ZBTB41: variants seen among roughly 807,000 people sequenced by gnomAD.
ZBTB41 encodes zinc finger and BTB domain-containing protein 41.
Under a neutral mutation model 87.6 loss-of-function variants are expected in ZBTB41, and 42 were observed. The observed-to-expected ratio is 0.48, with a 90% CI of 0.37 to 0.62. The LOEUF is 0.62. Among genes scored for constraint, ZBTB41 ranks in the 20% least tolerant of loss-of-function variants. The pLI is 0.00. For missense variants in ZBTB41, 799 were observed against 1,078.9 expected (o/e 0.74, Z 3.63); for synonymous variants, 364 against 364.0 (o/e 1.00, Z 0.00).
At chr1:197,180,597 G>A (rs574777159) in intron 6 of ZBTB41, among the ~76,000 whole-genome samples, 1 of 152,164 alleles carries the variant, frequency 6.6e-6, no homozygotes, top group South Asian at 2.1e-4. Flanking sequence ...TATAGTAAAA[G>A]ATGGAAAGGT....
intron 10 of ZBTB41, 101 bp from the exon 11 acceptor site, chr1:197,160,115 C>T (rs748964351): frequency 1.8e-5 from 15 of 839,914 alleles, no homozygotes; most frequent in Non-Finnish European, 2.6e-5. Context: ...CTTGCCAGAA[C>T]TTGATAATAG....
intron 2 of ZBTB41, among the ~76,000 whole-genome samples, chr1:197,193,976 T>C (rs1217321085): frequency 6.6e-6 from 1 of 152,188 alleles, no homozygotes; most frequent in East Asian, 1.9e-4. Flanking sequence ...ATTCTCAAGA[T>C]TGAGAGACAA....
chr1:197,187,040 A>C (rs746712257), intron 5 of ZBTB41, among the ~76,000 whole-genome samples: 5 of 152,202 alleles, frequency 3.3e-5, no homozygotes, highest in Non-Finnish European at 5.9e-5. Context: ...ACAATGGCCA[A>C]AATTTGGAAC....
chr1:197,176,668 A>T lies in ZBTB41; in HGVS notation c.1775T>A (p.Leu592His). 1 of 1,605,386 alleles carries T rather than the reference A, an allele frequency of 6.2e-7. No individual in the cohort carries two copies. Among genetic ancestry groups the T allele is most frequent in the Non-Finnish European group, 8.5e-7 (1 of 1,173,992 alleles). Residue 592 changes from leucine (L) to histidine (H), a missense_variant and splice_region_variant, in exon 8 of 11, where the codon CTT becomes CAT. By Grantham distance (99) the Leu-to-His change is moderately conservative. Coordinates refer to ENST00000367405, the MANE Select transcript of ZBTB41 (RefSeq NM_194314.3). ...ATCATCATGATGTACTCGTAAGTGA[A>T]GTCTATAAAGAAAAAAGAATTGAAC... is the stretch of plus-strand genomic sequence containing the variant. Reference protein sequence around the residue: ...QSFRHGSSYRLHLRVHHDDKR... With the variant: ...QSFRHGSSYRHHLRVHHDDKR...
chr1:197,185,744 C>T (rs756217123), intron 5 of ZBTB41, among the ~76,000 whole-genome samples: 2 of 152,108 alleles, frequency 1.3e-5, no homozygotes, highest in African/African-American at 2.4e-5. Flanking sequence ...AGTAGTTCAA[C>T]AATCCCCCAA....
chr1:197,184,796 A>ATTTATTTAT, intron 5 of ZBTB41, among the ~76,000 whole-genome samples: 1 of 148,972 alleles, frequency 6.7e-6, no homozygotes. Flanking sequence ...GTTTACAACT[A>ATTTATTTAT]TTTATTTATT....
At chr1:197,168,024 A>G (rs1056821778) in intron 10 of ZBTB41, among the ~76,000 whole-genome samples, 2 of 152,186 alleles carry the variant, frequency 1.3e-5, no homozygotes, top group Non-Finnish European at 2.9e-5. Flanking sequence ...AAGTTCAAAA[A>G]AAGCTAGGGG....
At chr1:197,177,108 T>C (rs1340365933) in intron 7 of ZBTB41, among the ~76,000 whole-genome samples, 1 of 152,098 alleles carries the variant, frequency 6.6e-6, no homozygotes, top group African/African-American at 2.4e-5. Context: ...AATGATACAG[T>C]AAATGGTATG....
Position 197,186,588 on chromosome 1 carries a change from G to A in ZBTB41, c.1546+1704C>T, listed in dbSNP as rs375969860. ...TGATTAAAAAATGGGCCAGCCAGGC[G>A]TGGTGGCTCACGCCTGTAATCCCAG... On this transcript the variant is annotated intron_variant, in intron 5 of 10. Transcript: ENST00000367405. Among the ~76,000 whole-genome samples the A allele has an allele frequency of 4.6e-5, 7 of 152,308 alleles. No homozygotes were observed. The South Asian group carries it at 8.3e-4, about 18-fold the overall frequency.
chr1:197,175,426 T>TATA (rs1659578675), intron 8 of ZBTB41, among the ~76,000 whole-genome samples: 1 of 12,936 alleles, frequency 7.7e-5, no homozygotes, highest in Non-Finnish European at 2.9e-4. Context: ...AACTTAGGAA[T>TATA]TTTAAATATA....
intron 5 of ZBTB41, among the ~76,000 whole-genome samples, chr1:197,185,888 T>A (rs544717111): frequency 1.3e-5 from 2 of 152,190 alleles, no homozygotes; most frequent in South Asian, 4.1e-4. Context: ...AAAGAAAGAC[T>A]CAACTTCACA....
At chr1:197,167,083 T>C (rs985543677) in intron 10 of ZBTB41, among the ~76,000 whole-genome samples, 3 of 152,338 alleles carry the variant, frequency 2.0e-5, no homozygotes, top group Non-Finnish European at 2.9e-5. Context: ...ATAGGCAATA[T>C]GTCTCGTGAA....
chr1:197,156,256 G>C lies in ZBTB41; in HGVS notation c.*3103C>G, dbSNP rs1426316639. 2.0e-5 allele frequency: 3 copies of C among 150,580 alleles called. No individual in the cohort carries two copies. The highest frequency in any genetic ancestry group is 7.3e-5 in the African/African-American group (3 of 40,890). 9.3% of individuals were successfully genotyped at this position (150,580 alleles called of 1,614,324 possible). ...TCTAGGACTTCAACTGTGCTTCTTT[G>C]GACAAATAGTTATTCAAGCAAGAAA... is the stretch of plus-strand genomic sequence containing the variant. On this transcript the variant is annotated 3_prime_UTR_variant, in exon 11 of 11. Coordinates refer to ENST00000367405, the MANE Select transcript of ZBTB41 (RefSeq NM_194314.3).
chr1:197,159,078 T>G lies in ZBTB41; in HGVS notation c.*281A>C. The G allele has an allele frequency of 3.1e-6, 1 of 322,076 alleles. No individual in the cohort carries two copies. Among genetic ancestry groups the G allele is most frequent in the East Asian group, 6.6e-5 (1 of 15,162 alleles). 20.0% of individuals were successfully genotyped at this position (322,076 alleles called of 1,614,324 possible). A position where few individuals can be genotyped will look rare whatever the true frequency, so the allele number is the denominator to read the frequency against. Reference sequence around the variant, plus strand: ...GATTAAAAAAAATACTTCCATAATATCAGCAGCTAATAATTGCAAAAAATT... The same window carrying G: ...GATTAAAAAAAATACTTCCATAATAGCAGCAGCTAATAATTGCAAAAAATT... On this transcript the variant is annotated 3_prime_UTR_variant, in exon 11 of 11. Transcript: ENST00000367405.
chr1:197,194,749 T>C (rs1660120670), intron 2 of ZBTB41, among the ~76,000 whole-genome samples: 1 of 152,038 alleles, frequency 6.6e-6, no homozygotes, highest in Admixed American at 6.6e-5. Context: ...AGACCAATGA[T>C]AATACAGAAA....
chr1:197,189,453 G>A (rs1659969980), intron 4 of ZBTB41, among the ~76,000 whole-genome samples: 1 of 151,796 alleles, frequency 6.6e-6, no homozygotes, highest in South Asian at 2.1e-4. Context: ...TTGAACCCAG[G>A]AGGAGGAGGT....
Position 197,200,463 on chromosome 1 carries a change from C to G in ZBTB41, c.11G>C (p.Arg4Thr). 1 of 1,588,940 alleles carries G rather than the reference C, an allele frequency of 6.3e-7. No homozygotes were observed. Among genetic ancestry groups the G allele is most frequent in the Non-Finnish European group, 8.5e-7 (1 of 1,171,012 alleles). The change falls in exon 2 of 11, where the codon AGG becomes ACG. Residue 4 changes from arginine (R) to threonine (T), a missense_variant. Coordinates refer to ENST00000367405, the MANE Select transcript of ZBTB41 (RefSeq NM_194314.3). The stretch of plus-strand genomic sequence containing the variant: ...CTCAAGATTTGAAGTAACCTTTCTC[C>G]TCTTCTTCATTGCAGTACAGCAATT... MKKRRKVTSNLEKI... is the reference protein window; with the variant it reads MKKTRKVTSNLEKI...
At chr1:197,161,317 T>C (rs1366679325) in intron 10 of ZBTB41, among the ~76,000 whole-genome samples, 1 of 152,042 alleles carries the variant, frequency 6.6e-6, no homozygotes, top group Non-Finnish European at 1.5e-5. Flanking sequence ...AATTAGAAAA[T>C]TACATATTAA....
At chr1:197,167,767 AC>A in intron 10 of ZBTB41, among the ~76,000 whole-genome samples, 1 of 152,170 alleles carries the variant, frequency 6.6e-6, no homozygotes, top group African/African-American at 2.4e-5. Flanking sequence ...TCTACAAAAA[AC>A]CTATAAAAAA....
Sources: allele counts gnomAD v4.1 joint callset (sites outside exome capture counted in the v4.1 genomes callset), GRCh38; gene constraint gnomAD v4.1.1; transcripts MANE v1.5; gene names NCBI Gene and HGNC (gene_info 2026-07-23, HGNC 2026-07-21).